Variants in C12orf54 observed in about 807,000 individuals in gnomAD.
C12orf54 encodes the protein chromosome 12 open reading frame 54, also known as uncharacterized protein C12orf54.
C12orf54 carries 24 observed loss-of-function variants against 26.4 expected under a neutral mutation model. The ratio of observed to expected loss-of-function variants is 0.91; its 90% CI spans 0.66 to 1.28. C12orf54 has a LOEUF of 1.28. C12orf54 is among the 50% of genes most tolerant of loss of function. The pLI, the probability that C12orf54 is intolerant of heterozygous loss-of-function variation, is 0.00. For synonymous variants in C12orf54, 54 were observed against 47.0 expected, an observed-to-expected ratio of 1.15 and a Z score of -0.61; for missense variants, 154 against 150.9, an observed-to-expected ratio of 1.02 and a Z score of -0.11.
chr12:48,427,433 G>A, the C12orf54 span, among the ~76,000 whole-genome samples: 38 of 152,054 alleles, frequency 2.5e-4, no homozygotes, highest in Admixed American at 3.9e-4. Flanking sequence ...AAGCCTACTC[G>A]ATTGTGGTGG....
At chr12:48,417,982 C>T in the C12orf54 span, among the ~76,000 whole-genome samples, 23 of 152,210 alleles carry the variant, frequency 1.5e-4, no homozygotes, top group South Asian at 1.5e-3. Context: ...TCCAATCCAG[C>T]GTTGATGGGC....
chr12:48,462,987 G>C, the C12orf54 span, among the ~76,000 whole-genome samples: 1 of 151,822 alleles, frequency 6.6e-6, no homozygotes, highest in Non-Finnish European at 1.5e-5. Flanking sequence ...GATCATCTAT[G>C]TAGAATATTC....
chr12:48,478,901 C>T (rs1954171511), upstream of C12orf54, among the ~76,000 whole-genome samples: 1 of 152,196 alleles, frequency 6.6e-6, no homozygotes, highest in Admixed American at 6.5e-5. Context: ...AACAGGAACA[C>T]TTTTACACTG....
At chr12:48,414,108 T>C in the C12orf54 span, among the ~76,000 whole-genome samples, 1 of 152,250 alleles carries the variant, frequency 6.6e-6, no homozygotes, top group East Asian at 1.9e-4. Context: ...CTTCCTAAAA[T>C]ATCTTATTCC....
At chr12:48,488,882 C>T in intron 4 of C12orf54, 42 bp from the exon 5 acceptor site, 1 of 1,489,208 alleles carries the variant, frequency 6.7e-7, no homozygotes, top group Non-Finnish European at 9.4e-7. Context: ...ATAAAGTGAT[C>T]ATCTACAATA....
At chr12:48,433,211 C>T in the C12orf54 span, among the ~76,000 whole-genome samples, 8 of 152,116 alleles carry the variant, frequency 5.3e-5, no homozygotes, top group African/African-American at 9.7e-5. Flanking sequence ...AAAATGTTGC[C>T]GTTTGCATAA....
At chr12:48,447,212 CTGTGTGTGTG>C in the C12orf54 span, among the ~76,000 whole-genome samples, 14 of 91,070 alleles carry the variant, frequency 1.5e-4, no homozygotes, top group Non-Finnish European at 2.7e-4. Context: ...CTCTCTTACT[CTGTGTGTGTG>C]TGTGTGTGTG....
chr12:48,430,333 G>A, the C12orf54 span, among the ~76,000 whole-genome samples: 10 of 152,106 alleles, frequency 6.6e-5, no homozygotes, highest in South Asian at 2.1e-4. Flanking sequence ...GAGCTTTTGC[G>A]CAGCAAAAGG....
At chr12:48,424,169 G>A in the C12orf54 span, among the ~76,000 whole-genome samples, 1 of 152,074 alleles carries the variant, frequency 6.6e-6, no homozygotes, top group African/African-American at 2.4e-5. Context: ...AGAATGCTAA[G>A]AGCAACCTTG....
At chr12:48,446,438 A>G in the C12orf54 span, among the ~76,000 whole-genome samples, 1 of 152,182 alleles carries the variant, frequency 6.6e-6, no homozygotes, top group Non-Finnish European at 1.5e-5. Context: ...TATGCCTGTT[A>G]ATATAGTACT....
At chr12:48,495,552 G>A (rs1371416919) in intron 8 of C12orf54, 1 of 152,568 alleles carries the variant, frequency 6.6e-6, no homozygotes, top group Non-Finnish European at 1.5e-5. Flanking sequence ...TGCTCCATAG[G>A]CTCATCTGAC....
chr12:48,423,251 A>C, the C12orf54 span, among the ~76,000 whole-genome samples: 1 of 152,158 alleles, frequency 6.6e-6, no homozygotes, highest in Non-Finnish European at 1.5e-5. Flanking sequence ...AAATGCTATA[A>C]TAAAAAGTGT....
chr12:48,494,647 C>A, intron 7 of C12orf54, 151 bp from the exon 8 acceptor site: 1 of 766,658 alleles, frequency 1.3e-6, no homozygotes, highest in Non-Finnish European at 2.1e-6. Context: ...AGCCATGCAT[C>A]CATCAGGAAA....
At chr12:48,490,743 G>A in intron 5 of C12orf54, 69 bp from the exon 6 acceptor site, 1 of 1,567,254 alleles carries the variant, frequency 6.4e-7, no homozygotes, top group Non-Finnish European at 8.8e-7. Context: ...CAAGTCTATA[G>A]CTAATACAGT....
the C12orf54 span, chr12:48,472,596 G>A: frequency 9.8e-5 from 154 of 1,578,142 alleles, no homozygotes; most frequent in African/African-American, 3.4e-4. Flanking sequence ...TCAAATGTGC[G>A]GTTGTGGGTT....
At chr12:48,441,770 C>T in the C12orf54 span, among the ~76,000 whole-genome samples, 1 of 152,310 alleles carries the variant, frequency 6.6e-6, no homozygotes, top group Admixed American at 6.5e-5. Context: ...TATCCATCTT[C>T]TTCTGACTAG....
upstream of C12orf54, among the ~76,000 whole-genome samples, chr12:48,481,512 G>T (rs1164623042): frequency 6.6e-6 from 1 of 152,146 alleles, no homozygotes; most frequent in Non-Finnish European, 1.5e-5. Flanking sequence ...GGTCTCACTA[G>T]TAGCACCTGG....
the C12orf54 span, among the ~76,000 whole-genome samples, chr12:48,429,580 A>T: frequency 6.6e-6 from 1 of 152,226 alleles, no homozygotes; most frequent in East Asian, 1.9e-4. Context: ...AGCTGCAAAA[A>T]AAAAAATACT....
At chr12:48,454,086 T>C in the C12orf54 span, among the ~76,000 whole-genome samples, 640 of 121,848 alleles carry the variant, frequency 5.3e-3, 5 homozygotes, top group Middle Eastern at 0.086. Context: ...CTCTCTCTCT[T>C]TTTTTGTTTG....
Sources: allele counts gnomAD v4.1 joint callset (sites outside exome capture counted in the v4.1 genomes callset), GRCh38; gene constraint gnomAD v4.1.1; transcripts MANE v1.5; gene names NCBI Gene and HGNC (gene_info 2026-07-23, HGNC 2026-07-21).